PRIM2: variants seen among roughly 807,000 people sequenced by gnomAD.
PRIM2 encodes the protein DNA primase subunit 2, also known as DNA primase large subunit.
A neutral mutation model predicts 67.3 loss-of-function variants in PRIM2; 39 were observed. The ratio of observed to expected loss-of-function variants is 0.58; its 90% CI spans 0.45 to 0.76. PRIM2 has a LOEUF of 0.76. Ranked by LOEUF, PRIM2 falls within the 30% of genes least tolerant of loss-of-function variation. The pLI, the probability that PRIM2 is intolerant of heterozygous loss-of-function variation, is 0.00. For missense variants in PRIM2, 398 were observed against 598.7 expected (o/e 0.66, Z 3.50); for synonymous variants, 143 against 198.7 (o/e 0.72, Z 2.36).
At chr6:57,334,486 A>AT (rs1768157916) in intron 5 of PRIM2, among the ~76,000 whole-genome samples, 1 of 152,010 alleles carries the variant, frequency 6.6e-6, no homozygotes, top group Non-Finnish European at 1.5e-5. Context: ...GAACTTTCAT[A>AT]TTGTTTTTCA....
At chr6:57,296,049 G>A in the PRIM2 span, among the ~76,000 whole-genome samples, 1 of 152,054 alleles carries the variant, frequency 6.6e-6, no homozygotes, top group Admixed American at 6.6e-5. Context: ...GTGGGGAGAG[G>A]GGACCTGAAA....
At chr6:57,635,585 T>A (rs1374990866) in intron 13 of PRIM2, among the ~76,000 whole-genome samples, 1 of 152,246 alleles carries the variant, frequency 6.6e-6, no homozygotes, top group Non-Finnish European at 1.5e-5. Context: ...CTGTGGGTAC[T>A]TATTTTCCAA....
upstream of PRIM2, among the ~76,000 whole-genome samples, chr6:57,314,039 A>C (rs1230360127): frequency 6.6e-6 from 1 of 152,240 alleles, no homozygotes; most frequent in African/African-American, 2.4e-5. Flanking sequence ...CTGCCAGAGA[A>C]GGTACTCTGT....
chr6:57,288,377 C>T, the PRIM2 span, among the ~76,000 whole-genome samples: 1 of 152,190 alleles, frequency 6.6e-6, no homozygotes, highest in African/African-American at 2.4e-5. Context: ...CATATCAGAA[C>T]AAAAGGCAGC....
the PRIM2 span, among the ~76,000 whole-genome samples, chr6:57,272,138 T>C: frequency 6.6e-6 from 1 of 152,208 alleles, no homozygotes; most frequent in South Asian, 2.1e-4. Flanking sequence ...TAGATGTCTA[T>C]TAGGTCAGCT....
At chr6:57,616,772 C>G (rs1330485930) in intron 12 of PRIM2, among the ~76,000 whole-genome samples, 4 of 152,134 alleles carry the variant, frequency 2.6e-5, no homozygotes, top group Non-Finnish European at 4.4e-5. Flanking sequence ...TTTCATCACC[C>G]CCAAAGAAAA....
intron 7 of PRIM2, among the ~76,000 whole-genome samples, chr6:57,446,289 G>GTTTT (rs10667309): frequency 2.9e-5 from 4 of 139,632 alleles, no homozygotes; most frequent in African/African-American, 1.1e-4. Flanking sequence ...TGTTTTTTTT[G>GTTTT]TTTTTTTTTT....
intron 10 of PRIM2, among the ~76,000 whole-genome samples, chr6:57,545,423 T>C (rs1775269818): frequency 1.3e-5 from 2 of 152,064 alleles, no homozygotes; most frequent in Non-Finnish European, 2.9e-5. Context: ...TCCAAGACCT[T>C]ATTTTATTTA....
chr6:57,300,626 C>T, the PRIM2 span, among the ~76,000 whole-genome samples: 5 of 152,048 alleles, frequency 3.3e-5, no homozygotes, highest in Admixed American at 6.6e-5. Flanking sequence ...ACTCAAATGA[C>T]CACATTTTTC....
upstream of PRIM2, among the ~76,000 whole-genome samples, chr6:57,317,392 T>G (rs1767511214): frequency 6.6e-6 from 1 of 152,100 alleles, no homozygotes; most frequent in Non-Finnish European, 1.5e-5. Context: ...CACCCCAGTT[T>G]CAACCGTTAA....
chr6:57,321,009 T>C (rs1222726990), intron 3 of PRIM2, among the ~76,000 whole-genome samples: 1 of 152,126 alleles, frequency 6.6e-6, no homozygotes, highest in Non-Finnish European at 1.5e-5. Flanking sequence ...TGGAGCTGCA[T>C]GTTGACAGAT....
At chr6:57,557,864 T>C (rs1775547818) in intron 10 of PRIM2, among the ~76,000 whole-genome samples, 1 of 151,966 alleles carries the variant, frequency 6.6e-6, no homozygotes, top group African/African-American at 2.4e-5. Flanking sequence ...AACTATTGAA[T>C]TGCCTTGCAA....
intron 7 of PRIM2, among the ~76,000 whole-genome samples, chr6:57,486,200 G>A (rs1291833403): frequency 5.9e-5 from 9 of 152,152 alleles, no homozygotes; most frequent in Admixed American, 3.9e-4. Context: ...AGAGGAGGCC[G>A]AAAGAGGGAG....
At chr6:57,406,463 G>C (rs1163705348) in intron 7 of PRIM2, among the ~76,000 whole-genome samples, 2 of 152,156 alleles carry the variant, frequency 1.3e-5, no homozygotes, top group African/African-American at 2.4e-5. Context: ...TCTTAATAAG[G>C]CTTTTCCATC....
Position 57,446,418 on chromosome 6 carries a change from C to CTTTT in PRIM2, c.694-60957_694-60954dup, listed in dbSNP as rs397958660. 1.1e-3 allele frequency among the ~76,000 whole-genome samples: 90 copies of CTTTT among 83,820 alleles called. 16 individuals are homozygous for CTTTT. Among genetic ancestry groups the CTTTT allele is most frequent in the African/African-American group, 2.3e-3 (47 of 20,606 alleles). The allele number at this position is 83,820 out of a possible 152,430, so 55.0% of individuals were successfully genotyped here. ...GGCATAGGCCTGGCACACGCCACTT[C>CTTTT]TTTTTTTTTTTTTTTGAGACAGTCT... On this transcript the variant is annotated intron_variant, in intron 7 of 13. Coordinates refer to ENST00000615550, the MANE Select transcript of PRIM2 (RefSeq NM_000947.5).
At chr6:57,560,979 T>A (rs1775615467) in intron 10 of PRIM2, among the ~76,000 whole-genome samples, 1 of 152,216 alleles carries the variant, frequency 6.6e-6, no homozygotes, top group Non-Finnish European at 1.5e-5. Context: ...GGGGCTAATT[T>A]GAACCCAGGC....
chr6:57,250,197 ATATTGC>A, the PRIM2 span, among the ~76,000 whole-genome samples: 1 of 152,222 alleles, frequency 6.6e-6, no homozygotes, highest in Non-Finnish European at 1.5e-5. Flanking sequence ...GGTTTTACAA[ATATTGC>A]TATTTCTTCA....
the PRIM2 span, among the ~76,000 whole-genome samples, chr6:57,242,824 ATCACAGGCAGTT>A: frequency 2.0e-5 from 3 of 152,218 alleles, no homozygotes; most frequent in Non-Finnish European, 4.4e-5. Context: ...ATCTGAGGTA[ATCACAGGCAGTT>A]TCACAGTGAT....
At chr6:57,365,043 T>A (rs1404194210) in intron 5 of PRIM2, among the ~76,000 whole-genome samples, 1 of 152,060 alleles carries the variant, frequency 6.6e-6, no homozygotes, top group Admixed American at 6.6e-5. Flanking sequence ...CTTAACATAT[T>A]CTGAGCCTCA....
Sources: allele counts gnomAD v4.1 joint callset (sites outside exome capture counted in the v4.1 genomes callset), GRCh38; gene constraint gnomAD v4.1.1; transcripts MANE v1.5; gene names NCBI Gene and HGNC (gene_info 2026-07-23, HGNC 2026-07-21).